VAV1: variants seen among roughly 807,000 people sequenced by gnomAD.
The protein encoded by VAV1 is proto-oncogene vav.
Under a neutral mutation model 128.1 loss-of-function variants are expected in VAV1, and 33 were observed. The observed-to-expected ratio is 0.26, with a 90% CI of 0.20 to 0.34. The LOEUF (loss-of-function observed/expected upper bound fraction) is 0.34. Among genes scored for constraint, VAV1 ranks in the 10% least tolerant of loss-of-function variants. VAV1 has a pLI of 1.00. For synonymous variants in VAV1, 394 were observed against 409.8 expected, an observed-to-expected ratio of 0.96 and a Z score of 0.47; for missense variants, 715 against 1,093.7, an observed-to-expected ratio of 0.65 and a Z score of 4.88.
In VAV1 at chr19:6,772,980, G is replaced by A. The variant is rs1405739568; in HGVS notation, c.173G>A (p.Arg58His). ...NNLLPHAINL[R>H]EVNLRPQMSQ... is the part of the protein sequence containing the mutation. ...CTGCTACCCCATGCCATCAACCTGC[G>A]TGAGGTCAACCTGCGCCCCCAGATG... Residue 58 changes from arginine to histidine, a missense_variant, in exon 1 of 27, where the codon CGT becomes CAT. By Grantham distance (29) the Arg-to-His change is conservative. Coordinates refer to ENST00000602142, the MANE Select transcript of VAV1 (RefSeq NM_005428.4). This position sits in a 1 kb window ranked among gnomAD's most constrained non-coding sequence, Gnocchi z 4.8. 7 of 1,614,002 alleles carry A rather than the reference G, an allele frequency of 4.3e-6. No homozygotes were observed. The highest frequency in any genetic ancestry group is 4.0e-5 in the African/African-American group (3 of 74,928).
chr19:6,785,937 G>A (rs1023846048), intron 1 of VAV1, among the ~76,000 whole-genome samples: 3 of 152,074 alleles, frequency 2.0e-5, no homozygotes, highest in African/African-American at 7.2e-5. Context: ...GGGATTACAG[G>A]TAATGAGCCA....
At chr19:6,813,419 A>G (rs1233589862) in intron 1 of VAV1, among the ~76,000 whole-genome samples, 1 of 152,168 alleles carries the variant, frequency 6.6e-6, no homozygotes, top group Non-Finnish European at 1.5e-5. Context: ...TCTTTTAGTG[A>G]CACATGGCCA....
Position 6,822,474 on chromosome 19 carries a change from CGGA to C in VAV1, c.619_621del (p.Glu207del). On this transcript the variant is annotated inframe_deletion, in exon 6 of 27. Transcript: ENST00000602142. This position sits in a 1 kb window ranked among gnomAD's most constrained non-coding sequence, Gnocchi z 5.9. ...TGCTGCCTGCGGGAGATCCAGCAGA[CGGA>C]GGAGAAGTACACTGACACGCTGGGC... 2 of 1,560,292 alleles carry C rather than the reference CGGA, an allele frequency of 1.3e-6. No homozygotes were observed. Among genetic ancestry groups the C allele is most frequent in the Non-Finnish European group, 1.7e-6 (2 of 1,154,292 alleles).
At chr19:6,773,036 C>A (rs780663813) in intron 1 of VAV1, 25 bp downstream of exon 1, 19 of 1,613,756 alleles carry the variant, frequency 1.2e-5, no homozygotes, top group Non-Finnish European at 1.3e-5. Context: ...GGCAGGTGTG[C>A]TGAGGGTTGG....
At chr19:6,801,034 C>A (rs572031774) in intron 1 of VAV1, among the ~76,000 whole-genome samples, 2 of 152,326 alleles carry the variant, frequency 1.3e-5, no homozygotes, top group African/African-American at 4.8e-5. Flanking sequence ...CTCTGTGCTT[C>A]CCGGCACACC....
Position 6,772,761 on chromosome 19 carries a change from G to A in VAV1, c.-47G>A, listed in dbSNP as rs1267176459. 1 of 1,585,318 alleles carries A rather than the reference G, an allele frequency of 6.3e-7. No homozygotes were observed. Among genetic ancestry groups the A allele is most frequent in the South Asian group, 1.1e-5 (1 of 88,148 alleles). ...AGGGCAGGCGTGCGGGCGGGTGGGT[G>A]GTGGAGGCTGCGAGGGTGCACGGCC... On this transcript the variant is annotated 5_prime_UTR_variant, in exon 1 of 27. Transcript: ENST00000602142. This position sits in a 1 kb window ranked among gnomAD's most constrained non-coding sequence, Gnocchi z 4.8.
In VAV1 at chr19:6,834,107, C is replaced by T. The variant is rs375672002; in HGVS notation, c.1777+154C>T. Among the ~76,000 whole-genome samples, 13 of 151,362 alleles carry T rather than the reference C, an allele frequency of 8.6e-5. 1 individual carries two copies. The highest frequency in any genetic ancestry group is 7.4e-5 in the Non-Finnish European group (5 of 67,958). On this transcript the variant is annotated intron_variant, in intron 19 of 26. Transcript: ENST00000602142. ...ATCCCAACAATTTGGGAGGCCAAGG[C>T]GGGAGGATCGCTTGAAGTCAGGTGC... is the stretch of plus-strand genomic sequence containing the variant.
At chr19:6,833,421 C>T in intron 16 of VAV1, 107 bp from the exon 17 acceptor site, 1 of 1,390,584 alleles carries the variant, frequency 7.2e-7, no homozygotes. Context: ...CTCCGTCACT[C>T]TCCTGATCTA....
chr19:6,775,349 T>G (rs112474992), intron 1 of VAV1, among the ~76,000 whole-genome samples: 1 of 152,208 alleles, frequency 6.6e-6, no homozygotes, highest in African/African-American at 2.4e-5. Flanking sequence ...ACTTCCATTC[T>G]TGTGTATGTC....
At chr19:6,854,171 G>C in intron 26 of VAV1, 73 bp downstream of exon 26, 1 of 1,567,962 alleles carries the variant, frequency 6.4e-7, no homozygotes, top group South Asian at 1.1e-5. Flanking sequence ...TGGAACTGGG[G>C]ACTGGAGAAG....
At chr19:6,778,716 A>G (rs1474353300) in intron 1 of VAV1, among the ~76,000 whole-genome samples, 1 of 151,472 alleles carries the variant, frequency 6.6e-6, no homozygotes, top group Non-Finnish European at 1.5e-5. Context: ...ACAGAGAGAG[A>G]CTTTGTCTCA....
At chr19:6,829,384 G>A (rs1041409256) in intron 13 of VAV1, among the ~76,000 whole-genome samples, 1 of 151,836 alleles carries the variant, frequency 6.6e-6, no homozygotes, top group Non-Finnish European at 1.5e-5. Context: ...ATGGACAGGT[G>A]GGTGGAGCCA....
chr19:6,791,347 C>T (rs760904965), intron 1 of VAV1, among the ~76,000 whole-genome samples: 1 of 152,154 alleles, frequency 6.6e-6, no homozygotes, highest in Non-Finnish European at 1.5e-5. Context: ...CTTGAGATAA[C>T]TCCTCATTTT....
chr19:6,823,179 G>A (rs1167763516), intron 6 of VAV1, among the ~76,000 whole-genome samples: 1 of 149,328 alleles, frequency 6.7e-6, no homozygotes, highest in Non-Finnish European at 1.5e-5. Context: ...AGGCTAGAGG[G>A]CAATGGCAAG....
chr19:6,839,822 C>T (rs1050512004), intron 21 of VAV1, among the ~76,000 whole-genome samples: 5 of 152,078 alleles, frequency 3.3e-5, no homozygotes, highest in Admixed American at 6.6e-5. Flanking sequence ...TCCCAAGTAG[C>T]TGGGACTACA....
At chr19:6,776,283 CTCATCCAT>C (rs754418537) in intron 1 of VAV1, among the ~76,000 whole-genome samples, 1 of 91,604 alleles carries the variant, frequency 1.1e-5, no homozygotes, top group African/African-American at 5.2e-5. Flanking sequence ...CATCTATCCA[CTCATCCAT>C]CCATCCATCC....
intron 1 of VAV1, among the ~76,000 whole-genome samples, chr19:6,774,778 G>A (rs1970586251): frequency 6.6e-6 from 1 of 150,808 alleles, no homozygotes; most frequent in Non-Finnish European, 1.5e-5. Flanking sequence ...TTTTTGAGAT[G>A]GAGTCTTGCT....
intron 21 of VAV1, among the ~76,000 whole-genome samples, chr19:6,840,988 G>A (rs1194708322): frequency 6.6e-6 from 1 of 152,014 alleles, no homozygotes; most frequent in Non-Finnish European, 1.5e-5. Flanking sequence ...ATGTTGGCCA[G>A]GCTGGTCTCG....
rs1568278870 is a variant in VAV1, at chr19:6,776,159, C to CCATCCAT, written c.204+3149_204+3150insATCCATC. Among the ~76,000 whole-genome samples, 502 of 130,362 alleles carry CCATCCAT rather than the reference C, an allele frequency of 3.9e-3. 6 individuals are homozygous for CCATCCAT. The highest frequency in any genetic ancestry group is 0.014 in the African/African-American group (468 of 33,608). The allele number at this position is 130,362 out of a possible 152,430, so 85.5% of individuals were successfully genotyped here. ...ATTCATCCATCTGCTCATCTATCCA[C>CCATCCAT]CCATCCATCCATCCATCCATCCATC... On this transcript the variant is annotated intron_variant, in intron 1 of 26. Coordinates refer to ENST00000602142, the MANE Select transcript of VAV1 (RefSeq NM_005428.4).
Sources: allele counts gnomAD v4.1 joint callset (sites outside exome capture counted in the v4.1 genomes callset), GRCh38; gene constraint gnomAD v4.1.1; non-coding constraint Gnocchi (gnomAD v3.1); transcripts MANE v1.5; gene names NCBI Gene and HGNC (gene_info 2026-07-23, HGNC 2026-07-21).